Variants in TTC28 observed in about 807,000 individuals in gnomAD.
TTC28 encodes the protein tetratricopeptide repeat domain 28, also known as tetratricopeptide repeat protein 28.
Under a neutral mutation model 198.0 loss-of-function variants are expected in TTC28, and 61 were observed. That is an observed-to-expected ratio of 0.31 (90% CI 0.25 to 0.38). The LOEUF is 0.38. Ranked by LOEUF, TTC28 falls within the 10% of genes least tolerant of loss-of-function variation. The pLI, the probability that TTC28 is intolerant of heterozygous loss-of-function variation, is 1.00. For missense variants in TTC28, 2,678 were observed against 3,164.0 expected, an observed-to-expected ratio of 0.85 and a Z score of 3.69; for synonymous variants, 1,171 against 1,297.8, an observed-to-expected ratio of 0.90 and a Z score of 2.10.
At chr22:28,583,202 T>A (rs2050256918) in intron 2 of TTC28, among the ~76,000 whole-genome samples, 1 of 152,198 alleles carries the variant, frequency 6.6e-6, no homozygotes, top group South Asian at 2.1e-4. Flanking sequence ...TAAAATCATT[T>A]TTTAAAAAAA....
chr22:28,673,809 C>G (rs1211533641), intron 1 of TTC28, among the ~76,000 whole-genome samples: 1 of 152,088 alleles, frequency 6.6e-6, no homozygotes, highest in Non-Finnish European at 1.5e-5. Flanking sequence ...TCTCTAGTTT[C>G]TCTTCTTAGA....
chr22:28,254,826 T>C (rs911860095), intron 5 of TTC28, among the ~76,000 whole-genome samples: 2 of 152,140 alleles, frequency 1.3e-5, no homozygotes, highest in Non-Finnish European at 2.9e-5. Flanking sequence ...GAATCAGAAC[T>C]GATATTCCCA....
chr22:28,640,324 G>GA (rs71194782), intron 1 of TTC28, among the ~76,000 whole-genome samples: 2 of 129,338 alleles, frequency 1.5e-5, no homozygotes, highest in African/African-American at 2.9e-5. Context: ...GGGGGGGGGG[G>GA]AAAGATGAGC....
intron 2 of TTC28, among the ~76,000 whole-genome samples, chr22:28,534,079 G>C (rs2049207747): frequency 6.6e-6 from 1 of 152,180 alleles, no homozygotes; most frequent in African/African-American, 2.4e-5. Flanking sequence ...CTAAAGTAAA[G>C]AGCTTCTGCA....
chr22:28,415,906 T>C (rs746889629), intron 2 of TTC28, among the ~76,000 whole-genome samples: 1 of 152,200 alleles, frequency 6.6e-6, no homozygotes, highest in Non-Finnish European at 1.5e-5. Flanking sequence ...TTTCATAAAA[T>C]TTTTAAAATA....
intron 2 of TTC28, among the ~76,000 whole-genome samples, chr22:28,398,418 T>C (rs1333297254): frequency 1.3e-5 from 2 of 152,062 alleles, no homozygotes; most frequent in Non-Finnish European, 1.5e-5. Context: ...CAAGAAAACA[T>C]GGGAACAAAA....
intron 2 of TTC28, among the ~76,000 whole-genome samples, chr22:28,509,066 C>T (rs920984571): frequency 3.3e-5 from 5 of 152,180 alleles, no homozygotes; most frequent in Admixed American, 2.6e-4. Flanking sequence ...TGGCATGTGC[C>T]TGTAATCCCA....
At chr22:28,435,112 A>G (rs966505708) in intron 2 of TTC28, among the ~76,000 whole-genome samples, 63 of 152,364 alleles carry the variant, frequency 4.1e-4, no homozygotes, top group Admixed American at 4.1e-3. Context: ...CTTCAAGCTT[A>G]TTTCACAAGA....
At chr22:28,401,247 C>T (rs1045777433) in intron 2 of TTC28, among the ~76,000 whole-genome samples, 4 of 152,082 alleles carry the variant, frequency 2.6e-5, no homozygotes, top group Non-Finnish European at 5.9e-5. Context: ...ACGACGACGA[C>T]GACAACTACT....
At chr22:28,322,175 G>A (rs1453652649) in intron 2 of TTC28, among the ~76,000 whole-genome samples, 1 of 152,096 alleles carries the variant, frequency 6.6e-6, no homozygotes, top group East Asian at 1.9e-4. Flanking sequence ...CTGATAGGAA[G>A]GAGTGTTTCA....
intron 2 of TTC28, among the ~76,000 whole-genome samples, chr22:28,591,422 G>A (rs1168043185): frequency 6.6e-6 from 1 of 151,948 alleles, no homozygotes; most frequent in East Asian, 1.9e-4. Context: ...AATCTTGTTT[G>A]ATTCTCATAC....
rs145172437 is a variant in TTC28 at position 28,030,535 on chromosome 22, T to C, written c.3933-169A>G. ...CTCAGTGTCCCTGAGGCCCTCTTCC[T>C]GAACTTCTTTTGTCCACTGCTTCTC... On this transcript the variant is annotated intron_variant, in intron 12 of 22. Coordinates refer to ENST00000397906, the MANE Select transcript of TTC28 (RefSeq NM_001145418.2). 7.1e-3 allele frequency among the ~76,000 whole-genome samples: 1,078 copies of C among 152,338 alleles called. 13 individuals are homozygous for C. Among genetic ancestry groups the C allele is most frequent in the African/African-American group, 0.025 (1,039 of 41,572 alleles).
intron 5 of TTC28, among the ~76,000 whole-genome samples, chr22:28,271,103 G>GT (rs1279474513): frequency 6.6e-6 from 1 of 151,160 alleles, no homozygotes; most frequent in Admixed American, 6.6e-5. Flanking sequence ...ATTCTTTGTG[G>GT]TTTTTTCAGT....
chr22:28,615,803 G>A (rs2050896611), intron 2 of TTC28, among the ~76,000 whole-genome samples: 1 of 151,056 alleles, frequency 6.6e-6, no homozygotes, highest in African/African-American at 2.4e-5. Flanking sequence ...GGGGGGTGGG[G>A]GGCTAGGGGA....
Position 27,982,322 on chromosome 22 carries a change from C to G in TTC28, c.7345G>C (p.Gly2449Arg). 4 of 1,526,190 alleles carry G rather than the reference C, an allele frequency of 2.6e-6. No individual in the cohort carries two copies. The highest frequency in any genetic ancestry group is 1.7e-4 in the Middle Eastern group (1 of 5,810). 94.5% of individuals were successfully genotyped at this position (1,526,190 alleles called of 1,614,324 possible). ...TSLGSLPLPA[G>R]PPATAPARPL... Reference sequence around the variant, plus strand: ...CGCGCGGGGGCTGTGGCGGGAGGGCCGGCGGGCAGCGGCAGTGAGCCCAGC... The same window carrying G: ...CGCGCGGGGGCTGTGGCGGGAGGGCGGGCGGGCAGCGGCAGTGAGCCCAGC... The change falls in exon 23 of 23, where the codon GGC becomes CGC. Residue 2449 changes from glycine (G) to arginine (R), a missense_variant. Physicochemically the swap from Gly to Arg is moderately radical, Grantham distance 125 (BLOSUM62 -2). Coordinates refer to ENST00000397906, the MANE Select transcript of TTC28 (RefSeq NM_001145418.2). This position sits in a 1 kb window ranked among gnomAD's most constrained non-coding sequence, Gnocchi z 5.2.
intron 12 of TTC28, among the ~76,000 whole-genome samples, chr22:28,040,692 C>G (rs1417713334): frequency 1.3e-5 from 2 of 152,220 alleles, no homozygotes; most frequent in African/African-American, 4.8e-5. Context: ...AGGATGCCCT[C>G]TGTCACCACT....
chr22:28,127,669 T>C (rs991359760), intron 6 of TTC28, among the ~76,000 whole-genome samples: 1 of 152,236 alleles, frequency 6.6e-6, no homozygotes, highest in Non-Finnish European at 1.5e-5. Flanking sequence ...AAATATATTA[T>C]TAAAATTATT....
intron 5 of TTC28, among the ~76,000 whole-genome samples, chr22:28,183,050 CTT>C (rs71316833): frequency 2.1e-3 from 296 of 141,900 alleles, no homozygotes; most frequent in Middle Eastern, 7.2e-3. Context: ...CCTTCAATGT[CTT>C]TTTTTTTTTT....
intron 2 of TTC28, among the ~76,000 whole-genome samples, chr22:28,475,525 T>C (rs1179838260): frequency 2.6e-5 from 4 of 152,316 alleles, no homozygotes; most frequent in African/African-American, 4.8e-5. Context: ...CCAAACAACA[T>C]TGGAGCAAAC....
Sources: allele counts gnomAD v4.1 joint callset (sites outside exome capture counted in the v4.1 genomes callset), GRCh38; gene constraint gnomAD v4.1.1; non-coding constraint Gnocchi (gnomAD v3.1); transcripts MANE v1.5; gene names NCBI Gene and HGNC (gene_info 2026-07-23, HGNC 2026-07-21).